DIS3L2: variants seen among roughly 807,000 people sequenced by gnomAD.
DIS3L2 encodes DIS3-like exonuclease 2.
In DIS3L2, 34 loss-of-function variants were observed where a neutral mutation model predicts 97.5. The observed-to-expected ratio is 0.35, with a 90% confidence interval of 0.27 to 0.46. DIS3L2 has a LOEUF of 0.46. DIS3L2 is among the 20% of genes least tolerant of loss of function. The probability of loss-of-function intolerance (pLI) is 1.00; values close to 1 mark genes in which losing one functional copy is unlikely to be tolerated. For missense variants in DIS3L2, 1,038 were observed against 1,146.0 expected, an observed-to-expected ratio of 0.91 and a Z score of 1.36; for synonymous variants, 435 against 445.2, an observed-to-expected ratio of 0.98 and a Z score of 0.29.
chr2:232,313,505 T>C (rs765100078), intron 14 of DIS3L2, among the ~76,000 whole-genome samples: 2 of 152,232 alleles, frequency 1.3e-5, no homozygotes, highest in Non-Finnish European at 2.9e-5. Flanking sequence ...TCAAAACCCA[T>C]GCTCTCTTTA....
chr2:231,992,918 T>C (rs887207688), intron 1 of DIS3L2, among the ~76,000 whole-genome samples: 2 of 152,242 alleles, frequency 1.3e-5, no homozygotes, highest in Non-Finnish European at 2.9e-5. Flanking sequence ...TATTGAACTT[T>C]GAGGCTCCTC....
chr2:232,215,960 C>A (rs1692321184), intron 10 of DIS3L2, among the ~76,000 whole-genome samples: 1 of 152,168 alleles, frequency 6.6e-6, no homozygotes, highest in East Asian at 1.9e-4. Flanking sequence ...GAAGACTCTT[C>A]CCCAGCAATC....
chr2:232,070,799 G>A (rs1695994004), intron 5 of DIS3L2, among the ~76,000 whole-genome samples: 1 of 152,066 alleles, frequency 6.6e-6, no homozygotes, highest in South Asian at 2.1e-4. Flanking sequence ...TGGCCAGGAT[G>A]GTCTCGATCT....
intron 5 of DIS3L2, among the ~76,000 whole-genome samples, chr2:232,078,284 T>C (rs1213263701): frequency 1.3e-5 from 2 of 152,162 alleles, no homozygotes; most frequent in East Asian, 3.9e-4. Flanking sequence ...CCTCAGGTCA[T>C]CCACCCGCCT....
chr2:232,081,791 C>T (rs1418313075), intron 5 of DIS3L2, among the ~76,000 whole-genome samples: 1 of 151,998 alleles, frequency 6.6e-6, no homozygotes, highest in Non-Finnish European at 1.5e-5. Flanking sequence ...CACACCTTTA[C>T]TTTTTTTGTT....
At chr2:232,079,322 C>A (rs899799891) in intron 5 of DIS3L2, among the ~76,000 whole-genome samples, 1 of 151,916 alleles carries the variant, frequency 6.6e-6, no homozygotes. Context: ...TAAGGCCAGG[C>A]GCAGTGGCTC....
chr2:232,111,541 A>G (rs1473898340), intron 6 of DIS3L2, among the ~76,000 whole-genome samples: 1 of 152,174 alleles, frequency 6.6e-6, no homozygotes, highest in Non-Finnish European at 1.5e-5. Context: ...TTTCTGTAGC[A>G]ATGGAAATGT....
chr2:232,330,294 C>G (rs1381758993), intron 15 of DIS3L2, among the ~76,000 whole-genome samples: 1 of 152,138 alleles, frequency 6.6e-6, no homozygotes, highest in Non-Finnish European at 1.5e-5. Flanking sequence ...CTTTCAGAGT[C>G]GGGGCTGGAA....
At chr2:232,312,352 A>G (rs1229547775) in intron 14 of DIS3L2, among the ~76,000 whole-genome samples, 1 of 152,170 alleles carries the variant, frequency 6.6e-6, no homozygotes, top group Non-Finnish European at 1.5e-5. Context: ...ACCCAGCATC[A>G]TTTTTTGAAA....
chr2:232,283,700 G>A (rs542640792), intron 13 of DIS3L2, among the ~76,000 whole-genome samples: 2 of 152,334 alleles, frequency 1.3e-5, no homozygotes, highest in East Asian at 3.9e-4. Flanking sequence ...TTAAAATGCT[G>A]TATGATTCCA....
rs1417674937 is a variant in DIS3L2, at chr2:232,087,615, T to C, written c.495T>C (p.Ile165=). ...LKSYNDSPDV[I]VEAQFDGSDS... ...GCTATAATGACAGTCCTGATGTCAT[T>C]GTAGAGGCTCAGTTTGATGGCAGCG... Residue 165 remains isoleucine, a synonymous_variant, in exon 6 of 21, where the codon ATT becomes ATC. Transcript: ENST00000325385. 1.2e-6 allele frequency: 2 copies of C among 1,614,152 alleles called. No homozygotes were observed. Among genetic ancestry groups the C allele is most frequent in the East Asian group, 2.2e-5 (1 of 44,886 alleles).
At chr2:232,118,745 C>T (rs1456657790) in intron 6 of DIS3L2, among the ~76,000 whole-genome samples, 1 of 152,202 alleles carries the variant, frequency 6.6e-6, no homozygotes, top group Non-Finnish European at 1.5e-5. Flanking sequence ...TCATTCATGT[C>T]TATGTAACCT....
At chr2:232,274,872 G>A (rs1694100195) in intron 13 of DIS3L2, among the ~76,000 whole-genome samples, 1 of 152,184 alleles carries the variant, frequency 6.6e-6, no homozygotes, top group Non-Finnish European at 1.5e-5. Flanking sequence ...AGTCTTTTAC[G>A]TTGACTTGGT....
chr2:232,297,931 A>G (rs1467775125), intron 13 of DIS3L2, among the ~76,000 whole-genome samples: 1 of 152,074 alleles, frequency 6.6e-6, no homozygotes, highest in African/African-American at 2.4e-5. Flanking sequence ...TCCTGAGCTC[A>G]GGCAATCCAC....
At chr2:231,979,700 C>T (rs550692399) in intron 1 of DIS3L2, among the ~76,000 whole-genome samples, 129 of 152,166 alleles carry the variant, frequency 8.5e-4, no homozygotes, top group African/African-American at 3.0e-3. Flanking sequence ...GCCTCAGCCT[C>T]CTGAGTAGCT....
intron 5 of DIS3L2, among the ~76,000 whole-genome samples, chr2:232,058,370 G>C (rs1011483174): frequency 3.9e-5 from 6 of 152,142 alleles, no homozygotes; most frequent in African/African-American, 1.4e-4. Flanking sequence ...GGAATCCAAA[G>C]GAAATACAAG....
chr2:232,316,704 T>C (rs750065276), intron 14 of DIS3L2, among the ~76,000 whole-genome samples: 25 of 152,354 alleles, frequency 1.6e-4, no homozygotes, highest in Non-Finnish European at 2.8e-4. Flanking sequence ...TTCTGCTTCA[T>C]GTTTCAAAGA....
chr2:232,306,079 A>G (rs1258184153), intron 14 of DIS3L2, among the ~76,000 whole-genome samples: 2 of 152,192 alleles, frequency 1.3e-5, no homozygotes, highest in Non-Finnish European at 2.9e-5. Context: ...AGGGAGGTTC[A>G]TAGGTCCTGC....
chr2:232,221,236 C>G (rs1473356242), intron 10 of DIS3L2, among the ~76,000 whole-genome samples: 1 of 151,848 alleles, frequency 6.6e-6, no homozygotes, highest in Non-Finnish European at 1.5e-5. Context: ...AAATGAAAGT[C>G]AACTTTATAT....
Sources: gnomAD v4.1 joint callset for allele counts (sites outside exome capture counted in the v4.1 genomes callset) on GRCh38, gnomAD v4.1.1 for gene constraint, MANE v1.5 for transcripts, NCBI Gene and HGNC (gene_info 2026-07-23, HGNC 2026-07-21) for gene names.